The following FNDC3B variants were observed in gnomAD, a reference collection of about 807,000 sequenced individuals.
FNDC3B encodes the protein fibronectin type III domain-containing protein 3B.
FNDC3B carries 12 observed loss-of-function variants against 151.5 expected under a neutral mutation model. The ratio of observed to expected loss-of-function variants is 0.08; its 90% CI spans 0.05 to 0.13. The LOEUF (loss-of-function observed/expected upper bound fraction) is 0.13. FNDC3B is among the 10% of genes least tolerant of loss of function. The pLI is 1.00. For missense variants in FNDC3B, 1,214 were observed against 1,505.3 expected (o/e 0.81, Z 3.20); for synonymous variants, 528 against 549.0 (o/e 0.96, Z 0.54).
intron 7 of FNDC3B, among the ~76,000 whole-genome samples, chr3:172,293,356 T>C (rs1308709434): frequency 6.6e-6 from 1 of 152,170 alleles, no homozygotes; most frequent in East Asian, 1.9e-4. Flanking sequence ...GAGCTGCTAG[T>C]CTGGAGCTAT....
At chr3:172,101,586 C>A (rs1405443021) in intron 1 of FNDC3B, among the ~76,000 whole-genome samples, 1 of 152,076 alleles carries the variant, frequency 6.6e-6, no homozygotes, top group Non-Finnish European at 1.5e-5. Context: ...AAGGGAGAAG[C>A]CTTCAACCTG....
chr3:172,229,159 A>T (rs1445868154), intron 4 of FNDC3B, among the ~76,000 whole-genome samples: 1 of 151,118 alleles, frequency 6.6e-6, no homozygotes, highest in African/African-American at 2.4e-5. Context: ...CAGGCTGGAC[A>T]TATGTGAGAA....
Position 172,352,441 on chromosome 3 carries a change from G to C in FNDC3B, c.2515-362G>C, listed in dbSNP as rs1339651430. Reference sequence around the variant, plus strand: ...GGCCTAAGTTATCATCTGACTCTGAGTTCCTGTCTCTAAAAGGCGGATAAG... The same window carrying C: ...GGCCTAAGTTATCATCTGACTCTGACTTCCTGTCTCTAAAAGGCGGATAAG... On this transcript the variant is annotated intron_variant, in intron 21 of 25. Coordinates refer to ENST00000415807, the MANE Select transcript of FNDC3B (RefSeq NM_022763.4). This position sits in a 1 kb window ranked among gnomAD's most constrained non-coding sequence, Gnocchi z 4.2. Among the ~76,000 whole-genome samples the C allele has an allele frequency of 1.3e-5, 2 of 152,226 alleles. No individual in the cohort carries two copies. Among genetic ancestry groups the C allele is most frequent in the East Asian group, 3.9e-4 (2 of 5,180 alleles).
At chr3:172,043,088 G>C (rs1159223689) in intron 1 of FNDC3B, among the ~76,000 whole-genome samples, 1 of 151,948 alleles carries the variant, frequency 6.6e-6, no homozygotes, top group East Asian at 1.9e-4. Flanking sequence ...CTAATTTTTT[G>C]TATTTTTTAG....
intron 1 of FNDC3B, among the ~76,000 whole-genome samples, chr3:172,041,358 G>A (rs1716038249): frequency 2.9e-5 from 3 of 104,114 alleles, no homozygotes; most frequent in Admixed American, 1.1e-4. Flanking sequence ...TTTAAAAATC[G>A]TTTTCTTTCT....
At chr3:172,060,324 C>T (rs1481407900) in intron 1 of FNDC3B, among the ~76,000 whole-genome samples, 1 of 151,906 alleles carries the variant, frequency 6.6e-6, no homozygotes, top group African/African-American at 2.4e-5. Context: ...TGGTGTGTTC[C>T]CTCAGGTGAG....
chr3:172,119,544 T>C (rs968129214), intron 2 of FNDC3B, among the ~76,000 whole-genome samples: 19 of 152,306 alleles, frequency 1.2e-4, no homozygotes, highest in African/African-American at 4.6e-4. Context: ...GTGGGGAGGC[T>C]GAGCCTGGGT....
At chr3:172,091,401 C>T (rs1323148995) in intron 1 of FNDC3B, among the ~76,000 whole-genome samples, 7 of 151,928 alleles carry the variant, frequency 4.6e-5, no homozygotes, top group Admixed American at 4.6e-4. Flanking sequence ...TGAATAGAGG[C>T]AGTACATATG....
chr3:172,157,604 T>G (rs149165329), intron 3 of FNDC3B, among the ~76,000 whole-genome samples: 11 of 152,312 alleles, frequency 7.2e-5, no homozygotes, highest in Non-Finnish European at 1.3e-4. Context: ...GTTCTCCATC[T>G]CTAAATTATT....
intron 1 of FNDC3B, among the ~76,000 whole-genome samples, chr3:172,074,299 A>G (rs778966784): frequency 6.6e-5 from 10 of 152,230 alleles, no homozygotes; most frequent in Non-Finnish European, 1.5e-5. Flanking sequence ...TTCTCTGCTT[A>G]CAGATGCTGT....
At chr3:172,187,475 T>A (rs1453784760) in intron 3 of FNDC3B, among the ~76,000 whole-genome samples, 3 of 152,168 alleles carry the variant, frequency 2.0e-5, no homozygotes, top group Non-Finnish European at 4.4e-5. Flanking sequence ...GGAGGAATGA[T>A]TGAATGTGTG....
intron 3 of FNDC3B, among the ~76,000 whole-genome samples, chr3:172,216,833 A>G (rs1726003357): frequency 6.6e-6 from 1 of 152,168 alleles, no homozygotes; most frequent in Non-Finnish European, 1.5e-5. Flanking sequence ...CTCTGGATGT[A>G]TGGAACCCAC....
At chr3:172,283,598 G>T (rs1729853560) in intron 6 of FNDC3B, among the ~76,000 whole-genome samples, 1 of 152,090 alleles carries the variant, frequency 6.6e-6, no homozygotes, top group South Asian at 2.1e-4. Flanking sequence ...TCCTTCAGCT[G>T]GTTGTTTGAA....
At chr3:172,183,254 G>T in intron 3 of FNDC3B, among the ~76,000 whole-genome samples, 1 of 152,118 alleles carries the variant, frequency 6.6e-6, no homozygotes, top group East Asian at 1.9e-4. Context: ...TTCCAGTAAA[G>T]TAGGAAATGA....
At chr3:172,320,949 T>C (rs879791289) in intron 11 of FNDC3B, among the ~76,000 whole-genome samples, 1 of 152,240 alleles carries the variant, frequency 6.6e-6, no homozygotes, top group Non-Finnish European at 1.5e-5. Context: ...CTACACACTT[T>C]TACAAATCAA....
intron 25 of FNDC3B, among the ~76,000 whole-genome samples, chr3:172,392,810 C>CTTTCTTTTTTTTTTTTTTTTTTT (rs1491505881): frequency 1.0e-5 from 1 of 99,874 alleles, no homozygotes; most frequent in African/African-American, 3.6e-5. Context: ...TTTTTTTTTT[C>CTTTCTTTTTTTTTTTTTTTTTTT]TTTTTTTTTT....
intron 2 of FNDC3B, among the ~76,000 whole-genome samples, chr3:172,117,767 T>C (rs1720337306): frequency 6.6e-6 from 1 of 152,246 alleles, no homozygotes; most frequent in South Asian, 2.1e-4. Flanking sequence ...ATTTAGCATA[T>C]GGAGGACATC....
At chr3:172,044,283 C>CTTTT (rs767357950) in intron 1 of FNDC3B, among the ~76,000 whole-genome samples, 3 of 110,414 alleles carry the variant, frequency 2.7e-5, no homozygotes, top group Admixed American at 8.9e-5. Context: ...AATTCCAACT[C>CTTTT]TTTTTTTTTT....
chr3:172,280,125 G>A (rs971759303), intron 6 of FNDC3B, among the ~76,000 whole-genome samples: 1 of 152,154 alleles, frequency 6.6e-6, no homozygotes, highest in Admixed American at 6.5e-5. Flanking sequence ...ATGTTGCTTA[G>A]GCTGGTCTTG....
Sources: allele counts gnomAD v4.1 joint callset (sites outside exome capture counted in the v4.1 genomes callset), GRCh38; gene constraint gnomAD v4.1.1; non-coding constraint Gnocchi (gnomAD v3.1); transcripts MANE v1.5; gene names NCBI Gene and HGNC (gene_info 2026-07-23, HGNC 2026-07-21).